SMAD3: variants seen among roughly 807,000 people sequenced by gnomAD.
SMAD3 encodes the protein MAD homolog 3.
In SMAD3, 12 loss-of-function variants were observed where a neutral mutation model predicts 51.8. The observed-to-expected ratio is 0.23, with a 90% confidence interval of 0.15 to 0.38. SMAD3 has a LOEUF of 0.38. Ranked by LOEUF, SMAD3 falls within the 10% of genes least tolerant of loss-of-function variation. The pLI is 1.00. For synonymous variants in SMAD3, 238 were observed against 227.7 expected (o/e 1.05, Z -0.41); for missense variants, 294 against 565.6 (o/e 0.52, Z 4.87).
rs561370577 is a variant in SMAD3 at position 67,192,988 on chromosome 15, C to T, written c.*2452C>T. 4.3e-6 allele frequency: 1 copy of T among 233,168 alleles called. No homozygotes were observed. The highest frequency in any genetic ancestry group is 1.8e-4 in the South Asian group (1 of 5,512). 14.4% of individuals were successfully genotyped at this position (233,168 alleles called of 1,614,324 possible). On this transcript the variant is annotated 3_prime_UTR_variant, in exon 9 of 9. Transcript: ENST00000327367. ...AGGATGTGTGGGATTGTAGGCAAAC[C>T]CACCTGTGGCATCACTGAAAATAAA...
intron 2 of SMAD3, 47 bp from the exon 3 acceptor site, chr15:67,165,206 G>A (rs781402263): frequency 1.2e-6 from 2 of 1,614,048 alleles, no homozygotes; most frequent in Admixed American, 3.3e-5. Context: ...TTTGGTGCTG[G>A]TCTGGCATCG....
chr15:67,170,718 G>C (rs943824529), intron 5 of SMAD3, 114 bp downstream of exon 5: 5 of 836,100 alleles, frequency 6.0e-6, no homozygotes, highest in African/African-American at 1.7e-5. Flanking sequence ...CCTACCATCA[G>C]CCCAGCTCAG....
At chr15:67,100,180 T>TAA (rs34746545) in intron 1 of SMAD3, among the ~76,000 whole-genome samples, 25,202 of 109,634 alleles carry the variant, frequency 0.23, 3,405 homozygotes, top group Non-Finnish European at 0.28. Context: ...AAACTCCATC[T>TAA]AAAAAAAAAA....
intron 1 of SMAD3, among the ~76,000 whole-genome samples, chr15:67,131,807 G>A (rs930630165): frequency 6.6e-6 from 1 of 152,128 alleles, no homozygotes; most frequent in African/African-American, 2.4e-5. Context: ...GTTAATTGGG[G>A]GCAGGGCAGC....
intron 3 of SMAD3, chr15:67,166,464 AG>A (rs1962591682): frequency 6.2e-6 from 3 of 484,994 alleles, no homozygotes; most frequent in East Asian, 3.8e-5. Flanking sequence ...GCCTCCCTGG[AG>A]GGGGTGGGGC....
intron 1 of SMAD3, among the ~76,000 whole-genome samples, chr15:67,131,882 T>TG (rs1413548539): frequency 1.6e-4 from 25 of 152,228 alleles, no homozygotes; most frequent in African/African-American, 5.5e-4. Context: ...GGACACTACC[T>TG]GGCTAAGAAC....
intron 1 of SMAD3, among the ~76,000 whole-genome samples, chr15:67,150,192 G>T (rs140626700): frequency 2.0e-5 from 3 of 152,178 alleles, no homozygotes; most frequent in Non-Finnish European, 4.4e-5. Flanking sequence ...TCACTGAGTC[G>T]CCCGGTTGAC....
chr15:67,083,355 A>G lies in SMAD3; in HGVS notation c.206+16995A>G, dbSNP rs78038213. On this transcript the variant is annotated intron_variant, in intron 1 of 8. Transcript: ENST00000327367. The stretch of plus-strand genomic sequence containing the variant: ...GTTTATAAGAGGGAAGTGTGGTCAT[A>G]TTTCTATCTCTCTTGTGGGCTGCAC... 5.3e-5 allele frequency among the ~76,000 whole-genome samples: 8 copies of G among 152,250 alleles called. No homozygotes were observed. In the East Asian group the frequency reaches 1.3e-3, roughly 26 times the overall value.
At chr15:67,166,556 C>T in intron 3 of SMAD3, 1 of 615,944 alleles carries the variant, frequency 1.6e-6, no homozygotes, top group Non-Finnish European at 2.9e-6. Context: ...GGGAGTTGAT[C>T]CGGTCCTGCG....
At chr15:67,176,145 C>T (rs1357648658) in intron 5 of SMAD3, among the ~76,000 whole-genome samples, 1 of 152,210 alleles carries the variant, frequency 6.6e-6, no homozygotes, top group Non-Finnish European at 1.5e-5. Context: ...TGCTGGGACA[C>T]AGCTGGCGTG....
chr15:67,081,788 A>G (rs1960284939), intron 1 of SMAD3, among the ~76,000 whole-genome samples: 1 of 152,116 alleles, frequency 6.6e-6, no homozygotes, highest in Admixed American at 6.5e-5. Flanking sequence ...GCCTCCTGGT[A>G]TCTTGTTGGT....
intron 6 of SMAD3, among the ~76,000 whole-genome samples, chr15:67,183,224 A>C (rs1413073528): frequency 6.6e-6 from 1 of 150,688 alleles, no homozygotes; most frequent in Non-Finnish European, 1.5e-5. Context: ...TTGTATTTTT[A>C]GTAGATATGG....
chr15:67,154,588 G>T (rs897638775), intron 1 of SMAD3, among the ~76,000 whole-genome samples: 1 of 152,030 alleles, frequency 6.6e-6, no homozygotes, highest in Non-Finnish European at 1.5e-5. Context: ...GAAAAGAACA[G>T]GCTAATGTTG....
intron 1 of SMAD3, among the ~76,000 whole-genome samples, chr15:67,145,047 T>A (rs12439792): frequency 0.17 from 25,442 of 151,666 alleles, 2,758 homozygotes; most frequent in East Asian, 0.37. Context: ...CAGGGTGGAG[T>A]GTGTTGCTGG....
intron 7 of SMAD3, among the ~76,000 whole-genome samples, chr15:67,186,288 G>A (rs1963220192): frequency 6.8e-6 from 1 of 147,358 alleles, no homozygotes; most frequent in Non-Finnish European, 1.5e-5. Flanking sequence ...TCCTTGGAGA[G>A]AATGAAGAAG....
intron 1 of SMAD3, among the ~76,000 whole-genome samples, chr15:67,143,665 C>T (rs529309297): frequency 4.9e-4 from 75 of 152,348 alleles, no homozygotes; most frequent in Non-Finnish European, 8.8e-4. Flanking sequence ...AACTCCTGGC[C>T]TCAAGTGATC....
At chr15:67,071,684 C>A (rs540165620) in intron 1 of SMAD3, among the ~76,000 whole-genome samples, 1 of 152,068 alleles carries the variant, frequency 6.6e-6, no homozygotes, top group African/African-American at 2.4e-5. Flanking sequence ...TGGTGGCAGG[C>A]GCCTGTAGTC....
At chr15:67,150,763 G>T (rs1190814370) in intron 1 of SMAD3, among the ~76,000 whole-genome samples, 1 of 135,664 alleles carries the variant, frequency 7.4e-6, no homozygotes, top group Admixed American at 7.8e-5. Context: ...TTGAGAAATT[G>T]CAGTTGTCAG....
intron 1 of SMAD3, among the ~76,000 whole-genome samples, chr15:67,119,535 C>G (rs1376181172): frequency 1.3e-5 from 2 of 152,126 alleles, no homozygotes; most frequent in African/African-American, 4.8e-5. Flanking sequence ...GGAGTGCTTT[C>G]AGAGGCCAAG....
Sources: gnomAD v4.1 joint callset for allele counts (sites outside exome capture counted in the v4.1 genomes callset) on GRCh38, gnomAD v4.1.1 for gene constraint, MANE v1.5 for transcripts, NCBI Gene and HGNC (gene_info 2026-07-23, HGNC 2026-07-21) for gene names.